MON1A: variants seen among roughly 807,000 people sequenced by gnomAD.
The protein encoded by MON1A is MON1 vesicular trafficking associated A.
Under a neutral mutation model 44.6 loss-of-function variants are expected in MON1A, and 29 were observed. The ratio of observed to expected loss-of-function variants is 0.65; its 90% CI spans 0.48 to 0.89. The LOEUF is 0.89. Ranked by LOEUF, MON1A falls within the 40% of genes least tolerant of loss-of-function variation. MON1A has a pLI of 0.00. For synonymous variants in MON1A, 275 were observed against 316.4 expected (o/e 0.87, Z 1.39); for missense variants, 615 against 759.6 (o/e 0.81, Z 2.24).
intron 1 of MON1A, among the ~76,000 whole-genome samples, chr3:49,920,020 G>T (rs1198151318): frequency 6.6e-6 from 1 of 152,188 alleles, no homozygotes; most frequent in African/African-American, 2.4e-5. Flanking sequence ...CAGAGGGACT[G>T]GGAAATATAT....
intron 1 of MON1A, among the ~76,000 whole-genome samples, chr3:49,923,266 C>T (rs1043651014): frequency 6.3e-5 from 8 of 127,344 alleles, no homozygotes; most frequent in Admixed American, 5.3e-4. Flanking sequence ...CCCTTGAACC[C>T]GGGAGGTGGA....
In MON1A at chr3:49,910,893, G is replaced by T; in HGVS notation, c.614-9C>A. 1.3e-6 allele frequency: 2 copies of T among 1,582,080 alleles called. No homozygotes were observed. The highest frequency in any genetic ancestry group is 1.7e-6 in the Non-Finnish European group (2 of 1,159,424). On this transcript the variant is annotated splice_polypyrimidine_tract_variant and intron_variant, in intron 3 of 5. Transcript: ENST00000296473. This position sits in a 1 kb window ranked among gnomAD's most constrained non-coding sequence, Gnocchi z 8.0. ...TACTACCTTGTAGCCATCTGAGAGC[G>T]GGACAGGAAAGAAGGATGTCAGCCT...
intron 1 of MON1A, among the ~76,000 whole-genome samples, chr3:49,919,864 C>G (rs2108536429): frequency 6.6e-6 from 1 of 152,286 alleles, no homozygotes; most frequent in South Asian, 2.1e-4. Flanking sequence ...AGCAGTGATT[C>G]AGGAATCCAA....
At chr3:49,917,211 C>G (rs1020934632) in intron 1 of MON1A, among the ~76,000 whole-genome samples, 4 of 152,236 alleles carry the variant, frequency 2.6e-5, no homozygotes, top group Non-Finnish European at 5.9e-5. Flanking sequence ...ATCTGCCTGC[C>G]TTGGCCTCCC....
At chr3:49,921,537 G>A (rs1396830741) in intron 1 of MON1A, among the ~76,000 whole-genome samples, 3 of 151,158 alleles carry the variant, frequency 2.0e-5, no homozygotes, top group African/African-American at 4.9e-5. Flanking sequence ...TTGGGAGGCT[G>A]AGGTGGGCGG....
chr3:49,912,008 G>A lies in MON1A; in HGVS notation c.131C>T (p.Ala44Val), dbSNP rs757855583. ...GACGAACATGGCACCCTCCTGGCCC[G>A]CACCTGCAGGCCAAAAGCACTGGTG... Reference protein sequence around the residue: ...PGMAQGMEPGAGQEGAMFVHA... With the variant: ...PGMAQGMEPGVGQEGAMFVHA... Residue 44 changes from alanine (A) to valine (V), a missense_variant, in exon 3 of 6, where the codon GCG (alanine) becomes GTG (valine). Physicochemically the swap from Ala to Val is moderately conservative, Grantham distance 64. Transcript: ENST00000296473. 81 of 1,565,888 alleles carry A rather than the reference G, an allele frequency of 5.2e-5. No individual in the cohort carries two copies. Among genetic ancestry groups the A allele is most frequent in the Non-Finnish European group, 6.3e-5 (73 of 1,154,014 alleles).
At chr3:49,924,999 C>T (rs187747491) in intron 1 of MON1A, among the ~76,000 whole-genome samples, 143 of 152,286 alleles carry the variant, frequency 9.4e-4, no homozygotes, top group Non-Finnish European at 1.1e-3. Context: ...AATTCTTGAC[C>T]CACAAGAACT....
chr3:49,924,897 G>T (rs546775042), intron 1 of MON1A, among the ~76,000 whole-genome samples: 2 of 152,230 alleles, frequency 1.3e-5, no homozygotes, highest in Admixed American at 1.3e-4. Flanking sequence ...GAGTCATCTC[G>T]GAAGCAGATC....
intron 1 of MON1A, among the ~76,000 whole-genome samples, chr3:49,914,361 G>A (rs959218632): frequency 6.6e-6 from 1 of 151,714 alleles, no homozygotes; most frequent in Admixed American, 6.6e-5. Context: ...GGGATTACAG[G>A]TGTGAGCCAC....
In MON1A at chr3:49,909,510, C is replaced by T; in HGVS notation, c.1380-110G>A. ...CAGGAAGACTCTATCTTATGTCCTA[C>T]CCTCCAGGTGCTCCCTTAGGACAGG... On this transcript the variant is annotated intron_variant, in intron 4 of 5. Transcript: ENST00000296473. The surrounding 1 kb of genome is among the most constrained non-coding windows in gnomAD (Gnocchi z 4.0). 2 of 1,433,030 alleles carry T rather than the reference C, an allele frequency of 1.4e-6. No individual in the cohort carries two copies. Among genetic ancestry groups the T allele is most frequent in the South Asian group, 1.3e-5 (1 of 77,160 alleles). 88.8% of individuals were successfully genotyped at this position (1,433,030 alleles called of 1,614,324 possible).
At chr3:49,915,175 T>C (rs965511234) in intron 1 of MON1A, among the ~76,000 whole-genome samples, 8 of 152,200 alleles carry the variant, frequency 5.3e-5, no homozygotes, top group African/African-American at 1.9e-4. Context: ...CTGAGAGAGC[T>C]TAAGGAGCTT....
At position 49,921,830 on chromosome 3, in the gene MON1A, A is replaced by G. The variant is rs115840347; in HGVS notation, c.-14+7779T>C. On this transcript the variant is annotated intron_variant, in intron 1 of 5. Transcript: ENST00000296473. ...ACTTACCACTTCTCCCAGAGTTTTC[A>G]CCATCTCAGTAAAAGACAATTTCAT... 3.3e-3 allele frequency among the ~76,000 whole-genome samples: 495 copies of G among 151,372 alleles called. 3 individuals carry two copies. Among genetic ancestry groups the G allele is most frequent in the African/African-American group, 0.012 (485 of 41,226 alleles).
chr3:49,918,173 C>T (rs1207376139), intron 1 of MON1A, among the ~76,000 whole-genome samples: 1 of 151,724 alleles, frequency 6.6e-6, no homozygotes, highest in Non-Finnish European at 1.5e-5. Context: ...CCCATCTCTA[C>T]TAAATAAAAA....
In MON1A at chr3:49,909,063, A is replaced by G; in HGVS notation, c.1619T>C (p.Ile540Thr). ...GAAGAGGCGGTCTTCCTCTTTGCGGATCCAGCGCATCAGCTTATGGATGGC... is the reference window on the plus strand; with the variant it reads ...GAAGAGGCGGTCTTCCTCTTTGCGGGTCCAGCGCATCAGCTTATGGATGGC... ...VSAIHKLMRW[I>T]RKEEDRLFIL... is the part of the protein sequence containing the mutation. The change falls in exon 6 of 6, where the codon ATC (isoleucine) becomes ACC (threonine). Residue 540 changes from isoleucine (I) to threonine (T), a missense_variant. Transcript: ENST00000296473. This position sits in a 1 kb window ranked among gnomAD's most constrained non-coding sequence, Gnocchi z 4.0. 1 of 1,613,878 alleles carries G rather than the reference A, an allele frequency of 6.2e-7. No homozygotes were observed. Among genetic ancestry groups the G allele is most frequent in the Non-Finnish European group, 8.5e-7 (1 of 1,179,898 alleles).
chr3:49,925,851 C>T (rs543548990), intron 1 of MON1A, among the ~76,000 whole-genome samples: 1 of 152,308 alleles, frequency 6.6e-6, no homozygotes, highest in African/African-American at 2.4e-5. Flanking sequence ...CAGAATCTGA[C>T]CACTTGTCAC....
At chr3:49,924,889 G>A (rs2083040460) in intron 1 of MON1A, among the ~76,000 whole-genome samples, 1 of 152,158 alleles carries the variant, frequency 6.6e-6, no homozygotes, top group African/African-American at 2.4e-5. Flanking sequence ...TCATGAGTGA[G>A]TCATCTCGGA....
rs1432812916 is a variant in MON1A at position 49,929,632 on chromosome 3, C to T, written c.-37G>A. 3 of 1,551,530 alleles carry T rather than the reference C, an allele frequency of 1.9e-6. No homozygotes were observed. The South Asian group carries it at 3.6e-5, about 18-fold the overall frequency. ...ACCTGTTTCTCAGAGGAGTCCAGGA[C>T]GCACAGAAGGTGCCGGTCACTGCCC... On this transcript the variant is annotated 5_prime_UTR_variant, in exon 1 of 6. Transcript: ENST00000296473.
intron 1 of MON1A, among the ~76,000 whole-genome samples, chr3:49,927,987 C>T (rs1036749789): frequency 6.6e-6 from 1 of 152,086 alleles, no homozygotes; most frequent in African/African-American, 2.4e-5. Context: ...GGTTCAAAGA[C>T]CCAAACAAGG....
At chr3:49,914,352 G>A (rs1023323541) in intron 1 of MON1A, among the ~76,000 whole-genome samples, 2 of 151,686 alleles carry the variant, frequency 1.3e-5, no homozygotes, top group African/African-American at 4.8e-5. Flanking sequence ...CAAAATGCTG[G>A]GATTACAGGT....
Sources: gnomAD v4.1 joint callset for allele counts (sites outside exome capture counted in the v4.1 genomes callset) on GRCh38, gnomAD v4.1.1 for gene constraint, Gnocchi (gnomAD v3.1) non-coding constraint, MANE v1.5 for transcripts, NCBI Gene and HGNC (gene_info 2026-07-23, HGNC 2026-07-21) for gene names.